Variants in COL24A1 observed in about 807,000 individuals in gnomAD.
COL24A1 encodes the protein collagen type XXIV alpha 1 chain, also known as collagen alpha-1(XXIV) chain.
A neutral mutation model predicts 253.9 loss-of-function variants in COL24A1; 224 were observed. The ratio of observed to expected loss-of-function variants is 0.88; its 90% CI spans 0.79 to 0.99. The LOEUF is 0.99. Among genes scored for constraint, COL24A1 ranks in the 50% least tolerant of loss-of-function variants. The pLI, the probability that COL24A1 is intolerant of heterozygous loss-of-function variation, is 0.00. For synonymous variants in COL24A1, 685 were observed against 673.7 expected (o/e 1.02, Z -0.26); for missense variants, 2,131 against 2,068.5 (o/e 1.03, Z -0.59).
chr1:85,812,250 T>C (rs1385555637), intron 47 of COL24A1, among the ~76,000 whole-genome samples: 1 of 152,176 alleles, frequency 6.6e-6, no homozygotes, highest in Non-Finnish European at 1.5e-5. Context: ...ACAGACAAAA[T>C]GTGTAAGCAA....
chr1:86,011,885 A>G (rs1377219991), intron 19 of COL24A1, among the ~76,000 whole-genome samples: 1 of 152,208 alleles, frequency 6.6e-6, no homozygotes, highest in Non-Finnish European at 1.5e-5. Flanking sequence ...GAACAGAAAA[A>G]TAAGATGTGG....
At chr1:85,878,430 T>C (rs1325854011) in intron 32 of COL24A1, among the ~76,000 whole-genome samples, 2 of 152,218 alleles carry the variant, frequency 1.3e-5, no homozygotes, top group African/African-American at 4.8e-5. Flanking sequence ...ACCTTGGGAA[T>C]TGGGATTTCA....
chr1:85,778,342 A>G (rs720619), intron 52 of COL24A1, among the ~76,000 whole-genome samples: 8,283 of 152,156 alleles, frequency 0.054, 322 homozygotes, highest in Middle Eastern at 0.085. Flanking sequence ...TGCTCAAGCA[A>G]TCTTCCAGCC....
At chr1:85,740,880 C>T (rs1281618538) in intron 57 of COL24A1, among the ~76,000 whole-genome samples, 21 of 146,530 alleles carry the variant, frequency 1.4e-4, no homozygotes, top group Admixed American at 1.0e-3. Context: ...GAGGCCGAGG[C>T]GGGCAGATCA....
chr1:85,846,879 T>C (rs981449838), intron 39 of COL24A1, among the ~76,000 whole-genome samples: 2 of 151,918 alleles, frequency 1.3e-5, no homozygotes, highest in African/African-American at 4.8e-5. Context: ...ATACCGAAAA[T>C]AAGCCTGAGG....
chr1:85,785,473 A>G (rs1436922800), intron 48 of COL24A1, among the ~76,000 whole-genome samples: 1 of 152,182 alleles, frequency 6.6e-6, no homozygotes, highest in Non-Finnish European at 1.5e-5. Context: ...AGACAAAGCT[A>G]TACAATTTTG....
At position 86,086,957 on chromosome 1, in the gene COL24A1, T is replaced by C. The variant is rs191594957; in HGVS notation, c.1707+2217A>G. Among the ~76,000 whole-genome samples, 574 of 152,302 alleles carry C rather than the reference T, an allele frequency of 3.8e-3. 5 individuals are homozygous for C. Among genetic ancestry groups the C allele is most frequent in the Non-Finnish European group, 2.4e-3 (161 of 68,018 alleles). On this transcript the variant is annotated intron_variant, in intron 7 of 59. Coordinates refer to ENST00000370571, the MANE Select transcript of COL24A1 (RefSeq NM_152890.7). ...TATTCCAAGAAATATTACAAAATAA[T>C]CTCAAATATTTCAACGCTATTCTGA...
chr1:86,078,133 A>G (rs1433081207), intron 7 of COL24A1, among the ~76,000 whole-genome samples: 1 of 152,222 alleles, frequency 6.6e-6, no homozygotes, highest in Admixed American at 6.5e-5. Flanking sequence ...CAGGGATGCA[A>G]GGATGATTCA....
chr1:86,036,177 G>A (rs963043803), intron 12 of COL24A1, among the ~76,000 whole-genome samples: 1 of 151,262 alleles, frequency 6.6e-6, no homozygotes, highest in Non-Finnish European at 1.5e-5. Flanking sequence ...TGTCGAGATG[G>A]GGTCTCACTT....
At chr1:86,105,287 G>C (rs1245766807) in intron 5 of COL24A1, among the ~76,000 whole-genome samples, 1 of 152,200 alleles carries the variant, frequency 6.6e-6, no homozygotes, top group Non-Finnish European at 1.5e-5. Context: ...AGGAAGGCAA[G>C]ATCTGCCTGC....
intron 53 of COL24A1, among the ~76,000 whole-genome samples, chr1:85,774,984 T>A (rs1668379011): frequency 1.3e-5 from 2 of 152,218 alleles, no homozygotes; most frequent in South Asian, 4.1e-4. Context: ...CTTAGATCTT[T>A]CCTGCTTTCT....
intron 47 of COL24A1, among the ~76,000 whole-genome samples, chr1:85,794,822 T>C (rs373449503): frequency 3.3e-5 from 5 of 152,250 alleles, no homozygotes; most frequent in African/African-American, 1.2e-4. Context: ...ACAGCTTACA[T>C]GTGTATTAAA....
chr1:85,995,157 A>AT (rs11316655), intron 19 of COL24A1, among the ~76,000 whole-genome samples: 17 of 151,952 alleles, frequency 1.1e-4, no homozygotes, highest in Admixed American at 9.2e-4. Flanking sequence ...TATTTACAGT[A>AT]TTTTTTTTAA....
At chr1:85,948,563 T>C (rs7547401) in intron 24 of COL24A1, among the ~76,000 whole-genome samples, 3,017 of 149,660 alleles carry the variant, frequency 0.02, 104 homozygotes, top group African/African-American at 0.069. Context: ...CATTAACTCT[T>C]ATCCTGTTTC....
chr1:85,849,395 T>A lies in COL24A1; in HGVS notation c.3312A>T (p.Gly1104=), dbSNP rs745774791. The stretch of plus-strand genomic sequence containing the variant: ...CTCTTTGCCCTGGAATTCCCACAAT[T>A]CCTTCAGGTCCCTAAAATATTCAAT... ...SGQTGLPGPE[G]IVGIPGQRGR... The change falls in exon 38 of 60, where the codon GGA becomes GGT. Residue 1104 remains glycine (G), a synonymous_variant. Coordinates refer to ENST00000370571, the MANE Select transcript of COL24A1 (RefSeq NM_152890.7). 20 of 1,611,198 alleles carry A rather than the reference T, an allele frequency of 1.2e-5. No homozygotes were observed. In the South Asian group the frequency reaches 2.2e-4, roughly 18 times the overall value.
At chr1:86,107,209 C>T (rs563469456) in intron 5 of COL24A1, among the ~76,000 whole-genome samples, 1 of 152,298 alleles carries the variant, frequency 6.6e-6, no homozygotes, top group East Asian at 1.9e-4. Context: ...GTCTCCCCCT[C>T]TACCACTTAC....
At chr1:85,898,883 C>T (rs1413193465) in intron 28 of COL24A1, among the ~76,000 whole-genome samples, 1 of 152,138 alleles carries the variant, frequency 6.6e-6, no homozygotes. Flanking sequence ...TCTAAAGTGA[C>T]ATGTGGGTAG....
chr1:86,124,787 A>C, intron 3 of COL24A1, 58 bp downstream of exon 3: 1 of 1,321,602 alleles, frequency 7.6e-7, no homozygotes, highest in South Asian at 1.6e-5. Context: ...ATGTATTTTA[A>C]AGAGAGTTTA....
chr1:85,922,160 G>A (rs1308273850), intron 24 of COL24A1, among the ~76,000 whole-genome samples: 1 of 152,080 alleles, frequency 6.6e-6, no homozygotes, highest in Non-Finnish European at 1.5e-5. Context: ...AAGAAATATG[G>A]GATTATGCGA....
Sources: allele counts gnomAD v4.1 joint callset (sites outside exome capture counted in the v4.1 genomes callset), GRCh38; gene constraint gnomAD v4.1.1; transcripts MANE v1.5; gene names NCBI Gene and HGNC (gene_info 2026-07-23, HGNC 2026-07-21).